Variants in PTPRG observed in about 807,000 individuals in gnomAD.
The protein encoded by PTPRG is protein tyrosine phosphatase receptor type G.
Under a neutral mutation model 165.3 loss-of-function variants are expected in PTPRG, and 102 were observed. The observed-to-expected ratio is 0.62, with a 90% CI of 0.53 to 0.73. The LOEUF is 0.73. PTPRG is among the 30% of genes least tolerant of loss of function. The pLI, the probability that PTPRG is intolerant of heterozygous loss-of-function variation, is 0.00. For synonymous variants in PTPRG, 675 were observed against 669.5 expected (o/e 1.01, Z -0.13); for missense variants, 1,866 against 1,861.4 (o/e 1.00, Z -0.05).
chr3:62,223,897 A>T (rs191383971), intron 13 of PTPRG, among the ~76,000 whole-genome samples: 77 of 152,352 alleles, frequency 5.1e-4, no homozygotes, highest in Admixed American at 2.7e-3. Flanking sequence ...GCTTGAAAAT[A>T]ACTTTTGGAA....
rs560310947 is a variant in PTPRG, at chr3:62,254,108, A to G, written c.2468-1016A>G. ...AAATCAGATTGTCAGGCCTGGATCT[A>G]TAAAATTCTTGCCAAAGTAGGACCT... On this transcript the variant is annotated intron_variant, in intron 15 of 29. Transcript: ENST00000474889. This position sits in a 1 kb window ranked among gnomAD's most constrained non-coding sequence, Gnocchi z 4.6. Among the ~76,000 whole-genome samples, 2 of 152,348 alleles carry G rather than the reference A, an allele frequency of 1.3e-5. No homozygotes were observed. The highest frequency in any genetic ancestry group is 3.9e-4 in the East Asian group (2 of 5,182).
intron 1 of PTPRG, among the ~76,000 whole-genome samples, chr3:61,613,143 G>T (rs1484501827): frequency 6.6e-6 from 1 of 152,184 alleles, no homozygotes; most frequent in Non-Finnish European, 1.5e-5. Context: ...AAGCCTAGTA[G>T]AATCCTAGCA....
At chr3:62,201,415 T>C (rs934283704) in intron 10 of PTPRG, 90 bp from the exon 11 acceptor site, 4 of 1,023,302 alleles carry the variant, frequency 3.9e-6, no homozygotes, top group African/African-American at 3.3e-5. Context: ...GTGAAAATTA[T>C]ATGTAATTCA....
chr3:62,081,783 G>A (rs1416167375), intron 5 of PTPRG, among the ~76,000 whole-genome samples: 1 of 152,138 alleles, frequency 6.6e-6, no homozygotes, highest in African/African-American at 2.4e-5. Flanking sequence ...CTCTCTATAA[G>A]AATGATAAAT....
chr3:62,170,616 G>A (rs1310780098), intron 8 of PTPRG, among the ~76,000 whole-genome samples: 4 of 152,182 alleles, frequency 2.6e-5, no homozygotes, highest in Non-Finnish European at 5.9e-5. Flanking sequence ...CACAACCACA[G>A]AACCATCCTT....
chr3:61,742,980 G>C (rs1575625647), intron 1 of PTPRG: 2 of 1,516,786 alleles, frequency 1.3e-6, no homozygotes, highest in East Asian at 4.5e-5. Context: ...TGTCCTTCTG[G>C]GGGTCATAGT....
chr3:61,740,513 A>G (rs1474462463), intron 1 of PTPRG, among the ~76,000 whole-genome samples: 4 of 152,108 alleles, frequency 2.6e-5, no homozygotes, highest in Non-Finnish European at 5.9e-5. Context: ...AATGACTCCA[A>G]TGTTTTGTCC....
chr3:61,805,530 C>CAAAAAAAAAAAAAAAAAAAAAAAAA (rs58646519), intron 2 of PTPRG, among the ~76,000 whole-genome samples: 2 of 96,534 alleles, frequency 2.1e-5, no homozygotes, highest in Non-Finnish European at 2.3e-5. Flanking sequence ...ATGGGAAAGA[C>CAAAAAAAAAAAAAAAAAAAAAAAAA]AAAAAAAAAA....
intron 1 of PTPRG, among the ~76,000 whole-genome samples, chr3:61,723,733 A>C (rs939163041): frequency 1.3e-5 from 2 of 152,178 alleles, no homozygotes; most frequent in African/African-American, 4.8e-5. Context: ...CAGGAGTTTG[A>C]TATTGGCACA....
At chr3:61,677,368 G>A (rs868202593) in intron 1 of PTPRG, among the ~76,000 whole-genome samples, 31 of 152,268 alleles carry the variant, frequency 2.0e-4, no homozygotes, top group African/African-American at 6.7e-4. Context: ...ATCAGAGGCA[G>A]TCTCTCTTAT....
At chr3:62,024,135 C>A (rs1324545825) in intron 4 of PTPRG, among the ~76,000 whole-genome samples, 1 of 152,032 alleles carries the variant, frequency 6.6e-6, no homozygotes, top group African/African-American at 2.4e-5. Flanking sequence ...GTTTATGGTA[C>A]ACTACATGAT....
At chr3:62,165,002 C>G (rs1037253974) in intron 7 of PTPRG, among the ~76,000 whole-genome samples, 7 of 152,170 alleles carry the variant, frequency 4.6e-5, no homozygotes, top group African/African-American at 1.4e-4. Context: ...GTCCATTTCT[C>G]TAAAAAGTCA....
intron 1 of PTPRG, among the ~76,000 whole-genome samples, chr3:61,647,967 A>G (rs1702250816): frequency 1.3e-5 from 2 of 151,292 alleles, no homozygotes. Flanking sequence ...ATCTACTGAC[A>G]CTCCCTTGTA....
chr3:62,154,267 G>A (rs1213020428), intron 6 of PTPRG, among the ~76,000 whole-genome samples: 1 of 152,142 alleles, frequency 6.6e-6, no homozygotes, highest in African/African-American at 2.4e-5. Flanking sequence ...AAAGTCCTAA[G>A]ATTCAATGGC....
At chr3:62,189,065 C>G (rs139419474) in intron 8 of PTPRG, among the ~76,000 whole-genome samples, 1 of 152,124 alleles carries the variant, frequency 6.6e-6, no homozygotes, top group East Asian at 1.9e-4. Context: ...CTCATGTCTC[C>G]GTGGAAGCCT....
intron 5 of PTPRG, among the ~76,000 whole-genome samples, chr3:62,126,410 T>A (rs948850548): frequency 1.3e-5 from 2 of 152,232 alleles, no homozygotes; most frequent in African/African-American, 4.8e-5. Flanking sequence ...GTAAGCCATG[T>A]CCGTGCTCAA....
intron 2 of PTPRG, among the ~76,000 whole-genome samples, chr3:61,788,724 CTTT>C (rs2034785097): frequency 6.6e-6 from 1 of 152,170 alleles, no homozygotes; most frequent in Non-Finnish European, 1.5e-5. Flanking sequence ...ATATTTTTGG[CTTT>C]GTGAGTTGTA....
chr3:62,216,000 T>C (rs1411729086), intron 12 of PTPRG, among the ~76,000 whole-genome samples: 1 of 152,040 alleles, frequency 6.6e-6, no homozygotes, highest in Non-Finnish European at 1.5e-5. Context: ...GGAGGATCAC[T>C]TGAGGTCAGG....
At position 61,767,825 on chromosome 3, in the gene PTPRG, C is replaced by G. The variant is rs150569607; in HGVS notation, c.190+18843C>G. ...TTGTACCAAAGGAAAAAAAAAATAG[C>G]TGGATATGGTGGCACACGCCTGTAG... On this transcript the variant is annotated intron_variant, in intron 2 of 29. Coordinates refer to ENST00000474889, the MANE Select transcript of PTPRG (RefSeq NM_002841.4). 2.6e-4 allele frequency among the ~76,000 whole-genome samples: 39 copies of G among 151,912 alleles called. No homozygotes were observed. In the East Asian group the frequency reaches 4.8e-3, roughly 19 times the overall value.
Sources: allele counts gnomAD v4.1 joint callset (sites outside exome capture counted in the v4.1 genomes callset), GRCh38; gene constraint gnomAD v4.1.1; non-coding constraint Gnocchi (gnomAD v3.1); transcripts MANE v1.5; gene names NCBI Gene and HGNC (gene_info 2026-07-23, HGNC 2026-07-21).